NELL2: variants seen among roughly 807,000 people sequenced by gnomAD.
NELL2 encodes the protein neural EGFL like 2.
A neutral mutation model predicts 109.6 loss-of-function variants in NELL2; 41 were observed. The observed-to-expected ratio is 0.37, with a 90% CI of 0.29 to 0.49. NELL2 has a LOEUF of 0.49. Ranked by LOEUF, NELL2 falls within the 20% of genes least tolerant of loss-of-function variation. NELL2 has a pLI of 0.98. For missense variants in NELL2, 900 were observed against 1,008.3 expected, an observed-to-expected ratio of 0.89 and a Z score of 1.45; for synonymous variants, 355 against 344.7, an observed-to-expected ratio of 1.03 and a Z score of -0.33.
intron 13 of NELL2, among the ~76,000 whole-genome samples, chr12:44,658,013 C>G (rs1364693428): frequency 6.6e-6 from 1 of 152,100 alleles, no homozygotes; most frequent in African/African-American, 2.4e-5. Context: ...GATTGCTGTG[C>G]CAAATGGTAT....
chr12:44,826,491 A>G (rs1943715650), intron 2 of NELL2, among the ~76,000 whole-genome samples: 1 of 152,238 alleles, frequency 6.6e-6, no homozygotes, highest in African/African-American at 2.4e-5. Flanking sequence ...CTTATAAGAC[A>G]AAATGGTAAC....
At chr12:44,778,581 A>G (rs1441388602) in intron 5 of NELL2, among the ~76,000 whole-genome samples, 2 of 152,134 alleles carry the variant, frequency 1.3e-5, no homozygotes, top group Non-Finnish European at 2.9e-5. Context: ...GTCACGATTA[A>G]ATAGAGATGA....
intron 13 of NELL2, among the ~76,000 whole-genome samples, chr12:44,619,381 A>C (rs1450802032): frequency 1.3e-5 from 2 of 152,196 alleles, no homozygotes; most frequent in Non-Finnish European, 2.9e-5. Flanking sequence ...GTAGAAGAAA[A>C]GGTGGCGTGA....
At chr12:44,646,428 A>T (rs1040292506) in intron 13 of NELL2, among the ~76,000 whole-genome samples, 6 of 152,224 alleles carry the variant, frequency 3.9e-5, no homozygotes, top group African/African-American at 1.2e-4. Flanking sequence ...GAAACCACAA[A>T]TAGTACCAAA....
intron 15 of NELL2, among the ~76,000 whole-genome samples, chr12:44,570,246 G>A (rs995432797): frequency 1.3e-5 from 2 of 152,272 alleles, no homozygotes; most frequent in African/African-American, 4.8e-5. Context: ...TGAGCAAAAG[G>A]AAATTTAATC....
chr12:44,646,534 T>C (rs557945175), intron 13 of NELL2, among the ~76,000 whole-genome samples: 4 of 152,324 alleles, frequency 2.6e-5, no homozygotes, highest in East Asian at 1.9e-4. Context: ...AATAATGAAA[T>C]AGAACACTTA....
chr12:44,785,956 G>T (rs1410370527), intron 3 of NELL2, among the ~76,000 whole-genome samples: 1 of 152,056 alleles, frequency 6.6e-6, no homozygotes, highest in Non-Finnish European at 1.5e-5. Flanking sequence ...AACCATTCAG[G>T]ACATAGGCAC....
At chr12:44,852,475 C>A (rs1944561946) in intron 2 of NELL2, among the ~76,000 whole-genome samples, 1 of 152,160 alleles carries the variant, frequency 6.6e-6, no homozygotes, top group South Asian at 2.1e-4. Flanking sequence ...CAGATGGGAA[C>A]AGTTTAAACA....
chr12:44,899,359 A>T (rs1945632473), intron 1 of NELL2, among the ~76,000 whole-genome samples: 1 of 152,136 alleles, frequency 6.6e-6, no homozygotes, highest in Admixed American at 6.5e-5. Flanking sequence ...AGAGCAGCCA[A>T]ACAGAAACAT....
chr12:44,857,315 G>A (rs970700288), intron 2 of NELL2, among the ~76,000 whole-genome samples: 1 of 152,194 alleles, frequency 6.6e-6, no homozygotes. Flanking sequence ...AGTTACAGGT[G>A]CTACTGGAAT....
intron 12 of NELL2, among the ~76,000 whole-genome samples, chr12:44,691,354 C>T (rs1449155215): frequency 6.6e-6 from 1 of 152,116 alleles, no homozygotes; most frequent in African/African-American, 2.4e-5. Flanking sequence ...TCGAATTCTC[C>T]TAAGGCACTA....
rs2138949834 is a variant in NELL2 at position 44,508,981 on chromosome 12, C to T, written c.2404G>A (p.Gly802Ser). 1.2e-6 allele frequency: 2 copies of T among 1,611,904 alleles called. No homozygotes were observed. The highest frequency in any genetic ancestry group is 2.2e-5 in the East Asian group (1 of 44,818). The change falls in exon 20 of 20, where the codon GGC (glycine) becomes AGC (serine). Residue 802 changes from glycine to serine, a missense_variant. Coordinates refer to ENST00000429094, the MANE Select transcript of NELL2 (RefSeq NM_001145108.2). ...GGATCCACTGAGCAACAGATGTGGC[C>T]ATTCTAGATTTAAAAAAAGTAGAAA... The part of the protein sequence containing the change: ...TECTLCQCKN[G>S]HICCSVDPQC...
intron 11 of NELL2, among the ~76,000 whole-genome samples, chr12:44,707,044 G>A (rs1281694122): frequency 2.0e-5 from 3 of 152,108 alleles, no homozygotes. Flanking sequence ...TAATTTTGTG[G>A]TGAATATTTA....
At position 44,590,426 on chromosome 12, in the gene NELL2, G is replaced by T. The variant is rs147913650; in HGVS notation, c.1663+16743C>A. Among the ~76,000 whole-genome samples, 939 of 152,206 alleles carry T rather than the reference G, an allele frequency of 6.2e-3. 8 individuals are homozygous for T. The highest frequency in any genetic ancestry group is 0.021 in the African/African-American group (877 of 41,542). Reference sequence around the variant, plus strand: ...ATGCAGCCCAGGTTCATCCTTAAGAGATCTAGTCCATACAGGTTATATCCT... The same window carrying T: ...ATGCAGCCCAGGTTCATCCTTAAGATATCTAGTCCATACAGGTTATATCCT... On this transcript the variant is annotated intron_variant, in intron 15 of 19. Transcript: ENST00000429094.
chr12:44,558,723 G>C (rs1336856055), intron 15 of NELL2, among the ~76,000 whole-genome samples: 4 of 152,098 alleles, frequency 2.6e-5, no homozygotes, highest in African/African-American at 4.8e-5. Flanking sequence ...AAGGGCCCTG[G>C]GTTTCAAGCG....
chr12:44,682,221 G>A (rs940350926), intron 12 of NELL2, among the ~76,000 whole-genome samples: 7 of 150,428 alleles, frequency 4.7e-5, no homozygotes, highest in South Asian at 2.1e-4. Context: ...GTCTTCTTTT[G>A]AGAAGTGTCT....
chr12:44,802,337 T>G (rs1942859659), intron 3 of NELL2, among the ~76,000 whole-genome samples: 1 of 152,156 alleles, frequency 6.6e-6, no homozygotes. Flanking sequence ...TTTCACTTAT[T>G]GCTTATCAAT....
At position 44,813,612 on chromosome 12, in the gene NELL2, A is replaced by G. The variant is rs78738286; in HGVS notation, c.335+2374T>C. The stretch of plus-strand genomic sequence containing the variant: ...TACAAAGTAAATGAGTTGAATACCC[A>G]AAAGTAAGGGGTTGATTAAACAAAA... On this transcript the variant is annotated intron_variant, in intron 3 of 19. Coordinates refer to ENST00000429094, the MANE Select transcript of NELL2 (RefSeq NM_001145108.2). Among the ~76,000 whole-genome samples, 838 of 152,278 alleles carry G rather than the reference A, an allele frequency of 5.5e-3. 4 individuals carry two copies. The highest frequency in any genetic ancestry group is 0.019 in the African/African-American group (774 of 41,566).
intron 2 of NELL2, among the ~76,000 whole-genome samples, chr12:44,854,560 A>T (rs1944621727): frequency 6.6e-6 from 1 of 151,966 alleles, no homozygotes. Flanking sequence ...AAATCGTTTA[A>T]TCTAACTCCC....
Sources: gnomAD v4.1 joint callset for allele counts (sites outside exome capture counted in the v4.1 genomes callset) on GRCh38, gnomAD v4.1.1 for gene constraint, MANE v1.5 for transcripts, NCBI Gene and HGNC (gene_info 2026-07-23, HGNC 2026-07-21) for gene names.